The following ARHGEF37 variants were observed in gnomAD, a reference collection of about 807,000 sequenced individuals.
ARHGEF37 encodes the protein Rho guanine nucleotide exchange factor (GEF) 37.
A neutral mutation model predicts 71.1 loss-of-function variants in ARHGEF37; 55 were observed. The observed-to-expected ratio is 0.77, with a 90% CI of 0.62 to 0.97. The LOEUF (loss-of-function observed/expected upper bound fraction) is 0.97. Ranked by LOEUF, ARHGEF37 falls within the 50% of genes least tolerant of loss-of-function variation. The probability of loss-of-function intolerance (pLI) is 0.00; values close to 1 mark genes in which losing one functional copy is unlikely to be tolerated. For synonymous variants in ARHGEF37, 327 were observed against 350.6 expected (o/e 0.93, Z 0.75); for missense variants, 765 against 836.8 (o/e 0.91, Z 1.06).
chr5:149,598,222 A>G (rs1288807030), intron 2 of ARHGEF37, among the ~76,000 whole-genome samples: 1 of 151,938 alleles, frequency 6.6e-6, no homozygotes, highest in Non-Finnish European at 1.5e-5. Context: ...TGAGCTAATG[A>G]ACAAGCCCTT....
chr5:149,609,637 A>G lies in ARHGEF37; in HGVS notation c.400A>G (p.Thr134Ala). The stretch of plus-strand genomic sequence containing the variant: ...CGACCAGGCCTTGCTACTGGTGGAC[A>G]CGTACCGGAAGGAGCCGGAGCTGCA... The part of the protein sequence containing the change: ...SYDQALLLVD[T>A]YRKEPELQRH... The change falls in exon 4 of 13, where the codon ACG becomes GCG. Residue 134 changes from threonine to alanine, a missense_variant. Thr to Ala is a moderately conservative substitution (Grantham distance 58). Coordinates refer to ENST00000333677, the MANE Select transcript of ARHGEF37 (RefSeq NM_001001669.3). 1 of 1,613,248 alleles carries G rather than the reference A, an allele frequency of 6.2e-7. No individual in the cohort carries two copies. Among genetic ancestry groups the G allele is most frequent in the Non-Finnish European group, 8.5e-7 (1 of 1,180,046 alleles).
chr5:149,559,097 C>G (rs1762796971), intron 1 of ARHGEF37, among the ~76,000 whole-genome samples: 1 of 152,054 alleles, frequency 6.6e-6, no homozygotes, highest in Non-Finnish European at 1.5e-5. Flanking sequence ...CCGAGGTGGG[C>G]AGATCATGAG....
intron 3 of ARHGEF37, among the ~76,000 whole-genome samples, chr5:149,608,751 C>G (rs1464285478): frequency 1.3e-5 from 2 of 152,168 alleles, no homozygotes; most frequent in Admixed American, 6.5e-5. Flanking sequence ...GGTTACACAA[C>G]TGGGGAAGGG....
At chr5:149,584,187 T>C (rs2113269315) in intron 1 of ARHGEF37, among the ~76,000 whole-genome samples, 1 of 152,280 alleles carries the variant, frequency 6.6e-6, no homozygotes, top group South Asian at 2.1e-4. Context: ...TCTATAAAAA[T>C]AACTGCTTTA....
intron 1 of ARHGEF37, among the ~76,000 whole-genome samples, chr5:149,595,682 A>G (rs1279706070): frequency 6.6e-6 from 1 of 152,124 alleles, no homozygotes; most frequent in African/African-American, 2.4e-5. Flanking sequence ...TCTTCAGGAC[A>G]TGGTTATCTG....
intron 1 of ARHGEF37, among the ~76,000 whole-genome samples, chr5:149,557,865 ATT>A (rs529240803): frequency 5.1e-5 from 7 of 137,066 alleles, no homozygotes; most frequent in Non-Finnish European, 4.7e-5. Context: ...TTACCCAATA[ATT>A]TTTTTTTTTT....
At chr5:149,584,267 A>T (rs1306435848) in intron 1 of ARHGEF37, among the ~76,000 whole-genome samples, 1 of 152,184 alleles carries the variant, frequency 6.6e-6, no homozygotes, top group African/African-American at 2.4e-5. Context: ...AACTGGGGAA[A>T]TATGGCTAAG....
At chr5:149,611,825 C>T (rs1481622908) in intron 4 of ARHGEF37, among the ~76,000 whole-genome samples, 5 of 152,194 alleles carry the variant, frequency 3.3e-5, no homozygotes, top group Non-Finnish European at 7.3e-5. Context: ...ATATTACATA[C>T]ATTTACTATC....
At chr5:149,559,728 T>G (rs1302745709) in intron 1 of ARHGEF37, among the ~76,000 whole-genome samples, 1 of 152,222 alleles carries the variant, frequency 6.6e-6, no homozygotes. Context: ...TTCAATCTTT[T>G]CATTTATCTT....
At chr5:149,631,227 A>G (rs1752875777) in intron 12 of ARHGEF37, among the ~76,000 whole-genome samples, 1 of 139,230 alleles carries the variant, frequency 7.2e-6, no homozygotes, top group East Asian at 2.1e-4. Flanking sequence ...GCTGGAGTGC[A>G]GTGCCATGAT....
In ARHGEF37 at chr5:149,623,827, T is replaced by A. The variant is rs1410044345; in HGVS notation, c.1336-185T>A. Reference sequence around the variant, plus strand: ...ACAAGCTGTGAATCTGGTGACAAGCTGTGGCATCTCACTCACTCCTAGGTT... The same window carrying A: ...ACAAGCTGTGAATCTGGTGACAAGCAGTGGCATCTCACTCACTCCTAGGTT... On this transcript the variant is annotated intron_variant, in intron 9 of 12. Transcript: ENST00000333677. Among the ~76,000 whole-genome samples, 3 of 152,192 alleles carry A rather than the reference T, an allele frequency of 2.0e-5. No individual in the cohort carries two copies. In the East Asian group the frequency reaches 5.8e-4, roughly 29 times the overall value.
intron 1 of ARHGEF37, among the ~76,000 whole-genome samples, chr5:149,565,794 A>AATCT (rs1213895075): frequency 6.9e-6 from 1 of 145,444 alleles, no homozygotes; most frequent in East Asian, 2.1e-4. Context: ...GTGATTCCAC[A>AATCT]ATCTGGTCTT....
chr5:149,587,841 C>T (rs552484658), intron 1 of ARHGEF37, among the ~76,000 whole-genome samples: 40 of 151,720 alleles, frequency 2.6e-4, no homozygotes, highest in African/African-American at 8.7e-4. Context: ...GGCTTGGTAG[C>T]CAGGGTCCCT....
intron 1 of ARHGEF37, among the ~76,000 whole-genome samples, chr5:149,571,905 CAA>C (rs150393350): frequency 2.1e-4 from 16 of 77,552 alleles, no homozygotes; most frequent in Admixed American, 6.1e-4. Flanking sequence ...GACCCTGTCT[CAA>C]AAAAAAAAAA....
chr5:149,602,663 G>C (rs1763791980), intron 3 of ARHGEF37, among the ~76,000 whole-genome samples: 1 of 151,982 alleles, frequency 6.6e-6, no homozygotes, highest in East Asian at 2.0e-4. Flanking sequence ...ACAGCAGAAA[G>C]AAAGGAGGAG....
In ARHGEF37 at chr5:149,598,326, TTTCTTCCTCTTCCTCTTCC is replaced by T. The variant is rs1580904829; in HGVS notation, c.186+373_186+391del. ...CTTCTTCTTCTTCTTCTTCTTCTTC[TTTCTTCCTCTTCCTCTTCC>T]TCTTCTTCTTCCTCTTCCTCTTCTT... On this transcript the variant is annotated intron_variant, in intron 2 of 12. Coordinates refer to ENST00000333677, the MANE Select transcript of ARHGEF37 (RefSeq NM_001001669.3). 8.7e-3 allele frequency among the ~76,000 whole-genome samples: 751 copies of T among 86,656 alleles called. 1 individual carries two copies. Among genetic ancestry groups the T allele is most frequent in the East Asian group, 0.016 (35 of 2,166 alleles). 56.8% of individuals were successfully genotyped at this position (86,656 alleles called of 152,430 possible). A position where few individuals can be genotyped will look rare whatever the true frequency, so the allele number is the denominator to read the frequency against.
intron 1 of ARHGEF37, among the ~76,000 whole-genome samples, chr5:149,589,906 A>G (rs929141705): frequency 2.6e-5 from 4 of 151,962 alleles, no homozygotes; most frequent in African/African-American, 7.3e-5. Context: ...AGCTCAAGCA[A>G]TCCTCCCACC....
rs1289223726 is a variant in ARHGEF37 at position 149,633,519 on chromosome 5, T to C, written c.*1328T>C. On this transcript the variant is annotated 3_prime_UTR_variant, in exon 13 of 13. Transcript: ENST00000333677. ...TCCTGTTCAAGGAGGACTGACCTGCTGGGGCAATGTTGGGTGCAGTGCAGT... is the reference window on the plus strand; with the variant it reads ...TCCTGTTCAAGGAGGACTGACCTGCCGGGGCAATGTTGGGTGCAGTGCAGT... 2 of 152,246 alleles carry C rather than the reference T, an allele frequency of 1.3e-5. No individual in the cohort carries two copies. Among genetic ancestry groups the C allele is most frequent in the Non-Finnish European group, 2.9e-5 (2 of 68,050 alleles). 9.4% of individuals were successfully genotyped at this position (152,246 alleles called of 1,614,324 possible).
intron 8 of ARHGEF37, 28 bp from the exon 9 acceptor site, chr5:149,621,705 C>T (rs1385452062): frequency 4.4e-6 from 7 of 1,583,760 alleles, no homozygotes; most frequent in South Asian, 3.5e-5. Context: ...CCTCCTTTCC[C>T]GACTCCCACG....
Sources: allele counts gnomAD v4.1 joint callset (sites outside exome capture counted in the v4.1 genomes callset), GRCh38; gene constraint gnomAD v4.1.1; transcripts MANE v1.5; gene names NCBI Gene and HGNC (gene_info 2026-07-23, HGNC 2026-07-21).